Variants in VPS54 observed in about 807,000 individuals in gnomAD.
VPS54 encodes VPS54 subunit of GARP complex.
Under a neutral mutation model 121.5 loss-of-function variants are expected in VPS54, and 45 were observed. The observed-to-expected ratio is 0.37, with a 90% CI of 0.29 to 0.47. The LOEUF (loss-of-function observed/expected upper bound fraction) is 0.47. VPS54 is among the 20% of genes least tolerant of loss of function. The pLI is 0.99. For missense variants in VPS54, 1,090 were observed against 1,131.4 expected, an observed-to-expected ratio of 0.96 and a Z score of 0.52; for synonymous variants, 371 against 385.8, an observed-to-expected ratio of 0.96 and a Z score of 0.45.
In VPS54 at chr2:64,019,416, C is replaced by G. The variant is rs989285877; in HGVS notation, c.-499G>C. ...CAGCGCCGGAGGCCGCCGCAGCCCC[C>G]AGCCCACAATCCACCGCGCGGCTCC... On this transcript the variant is annotated 5_prime_UTR_variant, in exon 1 of 23. Coordinates refer to ENST00000272322, the MANE Select transcript of VPS54 (RefSeq NM_016516.3). 1.3e-5 allele frequency among the ~76,000 whole-genome samples: 2 copies of G among 151,206 alleles called. No homozygotes were observed. Among genetic ancestry groups the G allele is most frequent in the African/African-American group, 2.4e-5 (1 of 41,338 alleles).
chr2:63,931,108 C>A (rs1257222756), intron 12 of VPS54, among the ~76,000 whole-genome samples: 1 of 152,132 alleles, frequency 6.6e-6, no homozygotes, highest in Non-Finnish European at 1.5e-5. Context: ...TTTATAGATT[C>A]AATGCCATCC....
At chr2:63,945,358 T>C (rs1229925208) in intron 9 of VPS54, among the ~76,000 whole-genome samples, 3 of 151,898 alleles carry the variant, frequency 2.0e-5, no homozygotes, top group Admixed American at 6.6e-5. Context: ...CACAGACACA[T>C]AGAGGGGAAC....
At chr2:63,909,979 A>T (rs902020580) in intron 20 of VPS54, among the ~76,000 whole-genome samples, 1 of 151,880 alleles carries the variant, frequency 6.6e-6, no homozygotes, top group African/African-American at 2.4e-5. Context: ...CACCTGCCTC[A>T]GCCTCCCAAA....
intron 12 of VPS54, among the ~76,000 whole-genome samples, chr2:63,926,581 G>A (rs904793183): frequency 3.9e-5 from 6 of 152,156 alleles, no homozygotes; most frequent in African/African-American, 1.2e-4. Context: ...CGCAGAAGAC[G>A]GGTGATCTCT....
chr2:63,966,270 A>G (rs1460018614), intron 5 of VPS54, among the ~76,000 whole-genome samples: 1 of 152,224 alleles, frequency 6.6e-6, no homozygotes, highest in African/African-American at 2.4e-5. Context: ...AGAGGCAGAT[A>G]TAATACTCAT....
chr2:63,957,994 A>G (rs1367872209), intron 7 of VPS54, among the ~76,000 whole-genome samples: 1 of 152,172 alleles, frequency 6.6e-6, no homozygotes, highest in African/African-American at 2.4e-5. Flanking sequence ...AGTCATATAG[A>G]TTATAAATGG....
rs181789585 is a variant in VPS54 at position 63,943,306 on chromosome 2, G to A, written c.1302-745C>T. Among the ~76,000 whole-genome samples the A allele has an allele frequency of 4.5e-4, 69 of 151,940 alleles. 1 individual carries two copies. The highest frequency in any genetic ancestry group is 4.4e-5 in the Non-Finnish European group (3 of 67,958). On this transcript the variant is annotated intron_variant, in intron 10 of 22. Coordinates refer to ENST00000272322, the MANE Select transcript of VPS54 (RefSeq NM_016516.3). The stretch of plus-strand genomic sequence containing the variant: ...TTATTACTCTAAATTTTTAATAAAC[G>A]CAGCTTCAGTTAAGAGTTTATTCTA...
chr2:63,895,777 CTTA>C (rs927953203), intron 22 of VPS54, among the ~76,000 whole-genome samples: 1 of 152,122 alleles, frequency 6.6e-6, no homozygotes, highest in Admixed American at 6.5e-5. Context: ...CATGAATTGA[CTTA>C]TAAAGAATGA....
intron 18 of VPS54, among the ~76,000 whole-genome samples, 176 bp from the exon 19 acceptor site, chr2:63,912,837 T>G (rs553408927): frequency 6.6e-6 from 1 of 152,322 alleles, no homozygotes; most frequent in African/African-American, 2.4e-5. Context: ...AATAATTTGA[T>G]ACTGAATAAT....
At chr2:64,007,010 C>A (rs758914542) in intron 1 of VPS54, among the ~76,000 whole-genome samples, 1 of 152,174 alleles carries the variant, frequency 6.6e-6, no homozygotes, top group African/African-American at 2.4e-5. Flanking sequence ...GGATCCTGAG[C>A]CTCCTCTTCT....
At position 64,007,743 on chromosome 2, in the gene VPS54, A is replaced by G. The variant is rs115308379; in HGVS notation, c.-21+11195T>C. On this transcript the variant is annotated intron_variant, in intron 1 of 22. Coordinates refer to ENST00000272322, the MANE Select transcript of VPS54 (RefSeq NM_016516.3). ...AGAGAGCTAATGAAAGCTCTGAAGA[A>G]GGGGTAGGGCAAATATGTTTAGAGG... Among the ~76,000 whole-genome samples the G allele has an allele frequency of 1.5e-3, 222 of 152,316 alleles. 1 individual carries two copies. The highest frequency in any genetic ancestry group is 5.1e-3 in the African/African-American group (214 of 41,558).
intron 1 of VPS54, among the ~76,000 whole-genome samples, chr2:63,988,948 C>T (rs1412722759): frequency 2.0e-5 from 3 of 152,046 alleles, no homozygotes; most frequent in Non-Finnish European, 2.9e-5. Context: ...GAGTTCTTTC[C>T]CCAGTAAGGA....
chr2:63,934,996 G>C (rs1294090853), intron 11 of VPS54, among the ~76,000 whole-genome samples: 4 of 152,196 alleles, frequency 2.6e-5, no homozygotes, highest in Non-Finnish European at 5.9e-5. Flanking sequence ...TGGTTCTAGG[G>C]AAGCAGACTC....
Position 63,919,901 on chromosome 2 carries a change from G to A in VPS54, c.2146C>T (p.Pro716Ser). ...CACATACCTCCTGATTTTTTTTCAGGTAAAGCAATCTTCCCATCTGACAGA... is the reference window on the plus strand; with the variant it reads ...CACATACCTCCTGATTTTTTTTCAGATAAAGCAATCTTCCCATCTGACAGA... ...DSLSDGKIAL[P>S]EKKSGATEER... is the part of the protein sequence containing the mutation. Residue 716 changes from proline to serine, a missense_variant, in exon 15 of 23, where the codon CCT (proline) becomes TCT (serine). By Grantham distance (74) the Pro-to-Ser change is moderately conservative (BLOSUM62 -1). Coordinates refer to ENST00000272322, the MANE Select transcript of VPS54 (RefSeq NM_016516.3). The A allele has an allele frequency of 6.2e-7, 1 of 1,607,802 alleles. No homozygotes were observed. The highest frequency in any genetic ancestry group is 1.1e-5 in the South Asian group (1 of 89,988).
intron 3 of VPS54, among the ~76,000 whole-genome samples, chr2:63,978,089 T>C (rs932740585): frequency 6.6e-6 from 1 of 152,252 alleles, no homozygotes; most frequent in African/African-American, 2.4e-5. Context: ...GGTTTCAGTC[T>C]TAGTGAGCCT....
chr2:63,979,330 C>T (rs1001240116), intron 3 of VPS54, among the ~76,000 whole-genome samples: 1 of 151,436 alleles, frequency 6.6e-6, no homozygotes, highest in East Asian at 1.9e-4. Flanking sequence ...ACCTCAACCA[C>T]CCAGTTTCAA....
intron 12 of VPS54, among the ~76,000 whole-genome samples, chr2:63,922,460 A>T (rs1050965860): frequency 3.3e-5 from 5 of 152,212 alleles, no homozygotes; most frequent in Non-Finnish European, 7.4e-5. Context: ...CAAAATCATA[A>T]TATCACCAAA....
At chr2:63,914,387 C>A in intron 16 of VPS54, 100 bp from the exon 17 acceptor site, 1 of 768,784 alleles carries the variant, frequency 1.3e-6, no homozygotes, top group Non-Finnish European at 2.2e-6. Context: ...CAAAGGATCT[C>A]TGAGAATATA....
chr2:63,932,456 A>G (rs181658452), intron 12 of VPS54, among the ~76,000 whole-genome samples: 1 of 152,272 alleles, frequency 6.6e-6, no homozygotes, highest in Admixed American at 6.5e-5. Flanking sequence ...GAGCTGAACA[A>G]TGAGAACACG....
Sources: allele counts gnomAD v4.1 joint callset (sites outside exome capture counted in the v4.1 genomes callset), GRCh38; gene constraint gnomAD v4.1.1; transcripts MANE v1.5; gene names NCBI Gene and HGNC (gene_info 2026-07-23, HGNC 2026-07-21).